The following MCC variants were observed in gnomAD, a reference collection of about 807,000 sequenced individuals.
MCC encodes the protein MCC regulator of Wnt signaling pathway, also known as colorectal mutant cancer protein.
In MCC, 90 loss-of-function variants were observed where a neutral mutation model predicts 116.2. The ratio of observed to expected loss-of-function variants is 0.77; its 90% CI spans 0.65 to 0.92. MCC has a LOEUF of 0.92. Among genes scored for constraint, MCC ranks in the 40% least tolerant of loss-of-function variants. The pLI is 0.00. For synonymous variants in MCC, 578 were observed against 510.5 expected (o/e 1.13, Z -1.78); for missense variants, 1,516 against 1,312.2 (o/e 1.16, Z -2.40).
At chr5:113,366,057 T>G (rs1014039935) in intron 2 of MCC, among the ~76,000 whole-genome samples, 7 of 152,202 alleles carry the variant, frequency 4.6e-5, no homozygotes, top group Non-Finnish European at 8.8e-5. Context: ...ATTTTACATC[T>G]CTTTCTTCTT....
At chr5:113,091,885 C>CACAA in intron 8 of MCC, among the ~76,000 whole-genome samples, 1 of 147,386 alleles carries the variant, frequency 6.8e-6, no homozygotes, top group East Asian at 2.0e-4. Flanking sequence ...GAGACTCAGA[C>CACAA]ACACACACAC....
intron 3 of MCC, among the ~76,000 whole-genome samples, chr5:113,179,170 G>A (rs561833956): frequency 2.0e-5 from 3 of 152,170 alleles, no homozygotes; most frequent in South Asian, 4.1e-4. Flanking sequence ...GTAATGTTCA[G>A]AATATAAAGC....
chr5:113,367,518 G>C (rs930914696), intron 2 of MCC, among the ~76,000 whole-genome samples: 1 of 150,806 alleles, frequency 6.6e-6, no homozygotes, highest in Non-Finnish European at 1.5e-5. Context: ...TTCTGTTACT[G>C]ACTAGAGGTT....
intron 2 of MCC, among the ~76,000 whole-genome samples, chr5:113,376,550 G>A (rs1768983233): frequency 1.4e-5 from 2 of 147,240 alleles, no homozygotes; most frequent in South Asian, 4.3e-4. Context: ...AGACACACAT[G>A]AATCTCCTAG....
chr5:113,319,850 C>G (rs1435227567), intron 3 of MCC, among the ~76,000 whole-genome samples: 2 of 152,188 alleles, frequency 1.3e-5, no homozygotes, highest in East Asian at 1.9e-4. Context: ...AAAACTTTGC[C>G]TTGGAGAAGA....
chr5:113,459,195 GGA>G lies in MCC; in HGVS notation c.170+29048_170+29049del, dbSNP rs746549966. On this transcript the variant is annotated intron_variant, in intron 1 of 18. Transcript: ENST00000408903. ...TGTGTGTGTGAAGTGGGTGGGGGGG[GGA>G]GAGAGAGAATATGAATGAAGACTCT... Among the ~76,000 whole-genome samples the G allele has an allele frequency of 4.1e-5, 6 of 146,102 alleles. No individual in the cohort carries two copies. The South Asian group carries it at 1.1e-3, about 26-fold the overall frequency.
chr5:113,283,969 T>G (rs1047367353), intron 3 of MCC, among the ~76,000 whole-genome samples: 3 of 152,220 alleles, frequency 2.0e-5, no homozygotes, highest in Admixed American at 6.5e-5. Context: ...GCATGAATAA[T>G]CAATATATTT....
At chr5:113,273,071 G>C (rs1765675186) in intron 3 of MCC, among the ~76,000 whole-genome samples, 1 of 152,032 alleles carries the variant, frequency 6.6e-6, no homozygotes, top group Non-Finnish European at 1.5e-5. Context: ...ACTAAGGAGA[G>C]AGAACTATTA....
intron 11 of MCC, among the ~76,000 whole-genome samples, chr5:113,074,846 T>C (rs933210622): frequency 2.1e-4 from 32 of 151,904 alleles, no homozygotes; most frequent in African/African-American, 7.3e-4. Flanking sequence ...GAAAAATGAG[T>C]AAAAAGAAAT....
chr5:113,161,620 A>ATGTGTG (rs57962617), intron 3 of MCC, among the ~76,000 whole-genome samples: 189 of 148,434 alleles, frequency 1.3e-3, no homozygotes, highest in African/African-American at 3.4e-3. Flanking sequence ...GTTTAGATTT[A>ATGTGTG]TGTGTGTGTG....
At chr5:113,294,319 T>C (rs773697395) in intron 3 of MCC, 3 of 1,613,710 alleles carry the variant, frequency 1.9e-6, no homozygotes, top group Admixed American at 3.3e-5. Context: ...CGACCTCAGC[T>C]GTTTCTTACC....
chr5:113,122,546 T>C, intron 6 of MCC, 138 bp downstream of exon 6: 1 of 902,246 alleles, frequency 1.1e-6, no homozygotes, highest in South Asian at 1.8e-5. Flanking sequence ...TGTAAGGGAC[T>C]GAAATACATG....
At chr5:113,401,552 A>G (rs1220786177) in intron 1 of MCC, among the ~76,000 whole-genome samples, 1 of 152,144 alleles carries the variant, frequency 6.6e-6, no homozygotes, top group African/African-American at 2.4e-5. Context: ...CAGCCTTCTC[A>G]GTATTTCTTG....
intron 3 of MCC, among the ~76,000 whole-genome samples, chr5:113,293,977 T>C (rs1766612768): frequency 6.6e-6 from 1 of 152,174 alleles, no homozygotes; most frequent in Non-Finnish European, 1.5e-5. Context: ...AATGTCCGTG[T>C]ATTTTACCGA....
At chr5:113,266,405 G>A (rs1445166521) in intron 3 of MCC, among the ~76,000 whole-genome samples, 1 of 152,198 alleles carries the variant, frequency 6.6e-6, no homozygotes, top group African/African-American at 2.4e-5. Flanking sequence ...ACCCCACAGG[G>A]CTTCTTACAC....
At chr5:113,068,510 A>G (rs964987373) in intron 12 of MCC, among the ~76,000 whole-genome samples, 4 of 152,204 alleles carry the variant, frequency 2.6e-5, no homozygotes, top group African/African-American at 9.7e-5. Flanking sequence ...AGTCCCGCTG[A>G]GCCGGCACCC....
chr5:113,210,719 C>T (rs913144806), intron 3 of MCC, among the ~76,000 whole-genome samples: 4 of 152,134 alleles, frequency 2.6e-5, no homozygotes, highest in Non-Finnish European at 4.4e-5. Flanking sequence ...AAGTTAATAT[C>T]TAGTAAAGAT....
chr5:113,164,238 G>A (rs187722267), intron 3 of MCC, among the ~76,000 whole-genome samples: 150 of 152,296 alleles, frequency 9.8e-4, no homozygotes, highest in Non-Finnish European at 1.9e-3. Flanking sequence ...GTGCTAAAAA[G>A]CTCGGCAACT....
At chr5:113,226,369 G>A (rs973979382) in intron 3 of MCC, among the ~76,000 whole-genome samples, 1 of 152,236 alleles carries the variant, frequency 6.6e-6, no homozygotes, top group African/African-American at 2.4e-5. Context: ...AGAAAAATGA[G>A]ATGTGCTCAG....
Sources: gnomAD v4.1 joint callset for allele counts (sites outside exome capture counted in the v4.1 genomes callset) on GRCh38, gnomAD v4.1.1 for gene constraint, MANE v1.5 for transcripts, NCBI Gene and HGNC (gene_info 2026-07-23, HGNC 2026-07-21) for gene names.